CBLL1: variants seen among roughly 807,000 people sequenced by gnomAD.
The protein encoded by CBLL1 is Cbl proto-oncogene like 1, also known as E3 ubiquitin-protein ligase Hakai.
In CBLL1, 4 loss-of-function variants were observed where a neutral mutation model predicts 44.9. That is an observed-to-expected ratio of 0.09 (90% CI 0.04 to 0.20). The LOEUF is 0.20. Ranked by LOEUF, CBLL1 falls within the 10% of genes least tolerant of loss-of-function variation. The pLI, the probability that CBLL1 is intolerant of heterozygous loss-of-function variation, is 1.00. For missense variants in CBLL1, 569 were observed against 636.7 expected (o/e 0.89, Z 1.14); for synonymous variants, 235 against 202.2 (o/e 1.16, Z -1.38).
intron 1 of CBLL1, among the ~76,000 whole-genome samples, chr7:107,745,170 A>G (rs1245155784): frequency 6.6e-6 from 1 of 152,174 alleles, no homozygotes; most frequent in African/African-American, 2.4e-5. Flanking sequence ...TTTATGGAGG[A>G]ACACAGACAA....
chr7:107,755,340 T>G, intron 4 of CBLL1, 78 bp from the exon 5 acceptor site: 1 of 593,524 alleles, frequency 1.7e-6, no homozygotes, highest in Non-Finnish European at 2.5e-6. Flanking sequence ...AAGCCTTATG[T>G]ATAGGTTACT....
At chr7:107,745,783 A>G (rs1308533616) in intron 1 of CBLL1, among the ~76,000 whole-genome samples, 1 of 152,162 alleles carries the variant, frequency 6.6e-6, no homozygotes, top group Non-Finnish European at 1.5e-5. Flanking sequence ...GGTTTGAGCA[A>G]CTAGGTAGGG....
intron 2 of CBLL1, among the ~76,000 whole-genome samples, chr7:107,750,694 A>G (rs1162996656): frequency 6.6e-6 from 1 of 152,130 alleles, no homozygotes; most frequent in African/African-American, 2.4e-5. Flanking sequence ...CACCAGTATA[A>G]AAGAGTTTTT....
chr7:107,760,213 T>C lies in CBLL1; in HGVS notation c.*1035T>C, dbSNP rs1793713182. 1 of 152,260 alleles carries C rather than the reference T, an allele frequency of 6.6e-6. No individual in the cohort carries two copies. The highest frequency in any genetic ancestry group is 6.5e-5 in the Admixed American group (1 of 15,270). The allele number at this position is 152,260 out of a possible 1,614,324, so 9.4% of individuals were successfully genotyped here. ...TGTTTATAGGATTTTCAACTACAGTTTGAATGCCATGGAGGAATTTGAATA... is the reference window on the plus strand; with the variant it reads ...TGTTTATAGGATTTTCAACTACAGTCTGAATGCCATGGAGGAATTTGAATA... On this transcript the variant is annotated 3_prime_UTR_variant, in exon 6 of 6. Coordinates refer to ENST00000440859, the MANE Select transcript of CBLL1 (RefSeq NM_024814.4).
intron 2 of CBLL1, among the ~76,000 whole-genome samples, chr7:107,750,045 A>G (rs1360616691): frequency 6.6e-6 from 1 of 151,846 alleles, no homozygotes; most frequent in Non-Finnish European, 1.5e-5. Context: ...TCCAGGCTCA[A>G]GTGATCTTTC....
At position 107,761,656 on chromosome 7, in the gene CBLL1, G is replaced by C. The variant is rs1351143736; in HGVS notation, c.*2478G>C. ...AATTCTTAAAAACAATAAAATGGAA[G>C]CATAAATACTATTTTGCCTAGATGA... On this transcript the variant is annotated 3_prime_UTR_variant, in exon 6 of 6. Transcript: ENST00000440859. 1.3e-5 allele frequency: 2 copies of C among 152,106 alleles called. No homozygotes were observed. The highest frequency in any genetic ancestry group is 3.7e-4 in the East Asian group (2 of 5,338). The allele number at this position is 152,106 out of a possible 1,614,324, so 9.4% of individuals were successfully genotyped here.
In CBLL1 at chr7:107,758,649, C is replaced by T. The variant is rs1420471637; in HGVS notation, c.947C>T (p.Ala316Val). 2.7e-5 allele frequency: 44 copies of T among 1,613,946 alleles called. No homozygotes were observed. Among genetic ancestry groups the T allele is most frequent in the Non-Finnish European group, 3.7e-5 (44 of 1,180,004 alleles). Residue 316 changes from alanine to valine, a missense_variant, in exon 6 of 6, where the codon GCT becomes GTT. Physicochemically the swap from Ala to Val is moderately conservative, Grantham distance 64. Around this residue, in one of 5 missense-constraint regions of CBLL1, gnomAD observed 228 missense variants for 253.2 expected, o/e 0.90. Transcript: ENST00000440859. The surrounding 1 kb of genome is among the most constrained non-coding windows in gnomAD (Gnocchi z 4.2). ...CCACCACCTCCTGCCCCAGCACCTG[C>T]TCACCATCATCCTGAATATCAGGGT... ...REPPPPAPAP[A>V]HHHPEYQGQP...
At chr7:107,754,676 A>G (rs980833504) in intron 4 of CBLL1, among the ~76,000 whole-genome samples, 5 of 152,264 alleles carry the variant, frequency 3.3e-5, no homozygotes, top group Middle Eastern at 3.4e-3. Context: ...TGATTTTTAG[A>G]TTTTTATTAG....
intron 5 of CBLL1, among the ~76,000 whole-genome samples, chr7:107,757,104 T>C (rs531004846): frequency 3.9e-5 from 6 of 152,140 alleles, no homozygotes; most frequent in Admixed American, 1.3e-4. Context: ...CAACTCAAAA[T>C]CAAGAGTATA....
At chr7:107,756,645 A>G (rs1793541890) in intron 5 of CBLL1, among the ~76,000 whole-genome samples, 1 of 152,166 alleles carries the variant, frequency 6.6e-6, no homozygotes, top group Non-Finnish European at 1.5e-5. Context: ...CATTATTTAG[A>G]GGACTTTTAA....
chr7:107,750,432 A>G (rs1793234219), intron 2 of CBLL1, among the ~76,000 whole-genome samples: 1 of 151,554 alleles, frequency 6.6e-6, no homozygotes, highest in African/African-American at 2.4e-5. Context: ...CAGCCTCCCG[A>G]GTAGCTGGGA....
rs985123721 is a variant in CBLL1 at position 107,759,837 on chromosome 7, A to T, written c.*659A>T. ...ATTTTTAGGCAGCCTCAGGAGCACC[A>T]AAATACATTGGAATTCTAGTACTAA... On this transcript the variant is annotated 3_prime_UTR_variant, in exon 6 of 6. Transcript: ENST00000440859. 15 of 152,332 alleles carry T rather than the reference A, an allele frequency of 9.8e-5. No homozygotes were observed. Among genetic ancestry groups the T allele is most frequent in the African/African-American group, 3.6e-4 (15 of 41,454 alleles). The allele number at this position is 152,332 out of a possible 1,614,324, so 9.4% of individuals were successfully genotyped here.
At chr7:107,745,958 A>G (rs1792995432) in intron 1 of CBLL1, among the ~76,000 whole-genome samples, 1 of 152,202 alleles carries the variant, frequency 6.6e-6, no homozygotes, top group Non-Finnish European at 1.5e-5. Context: ...TCTGCACTGA[A>G]AATACGTATT....
At chr7:107,749,639 C>G (rs1354685538) in intron 2 of CBLL1, among the ~76,000 whole-genome samples, 1 of 144,980 alleles carries the variant, frequency 6.9e-6, no homozygotes, top group Non-Finnish European at 1.5e-5. Flanking sequence ...CAGTACTTGT[C>G]AAACTCTAAA....
chr7:107,755,449 G>T lies in CBLL1; in HGVS notation c.398G>T (p.Cys133Phe). The T allele has an allele frequency of 6.3e-7, 1 of 1,588,566 alleles. No individual in the cohort carries two copies. Among genetic ancestry groups the T allele is most frequent in the African/African-American group, 1.4e-5 (1 of 73,556 alleles). ...TGCAAGCATGTTTTTTGCTATGACT[G>T]TGCTATTTTACATGAAAAAAAGGGA... ...IPCKHVFCYDCAILHEKKGDK... is the reference protein window; with the variant it reads ...IPCKHVFCYDFAILHEKKGDK... The change falls in exon 5 of 6, where the codon TGT (cysteine) becomes TTT (phenylalanine). Residue 133 changes from cysteine (C) to phenylalanine (F), a missense_variant. By Grantham distance (205) the Cys-to-Phe change is radical. Coordinates refer to ENST00000440859, the MANE Select transcript of CBLL1 (RefSeq NM_024814.4).
chr7:107,746,572 G>C (rs1793029865), intron 1 of CBLL1, among the ~76,000 whole-genome samples: 1 of 152,140 alleles, frequency 6.6e-6, no homozygotes, highest in South Asian at 2.1e-4. Context: ...CAAAGGCTTT[G>C]ACAAATGAGG....
chr7:107,744,331 G>A (rs568945455), intron 1 of CBLL1, 155 bp downstream of exon 1: 1 of 973,258 alleles, frequency 1.0e-6, no homozygotes, highest in East Asian at 3.2e-5. Context: ...TGCCCGGCAG[G>A]GGCCTGCGGT....
chr7:107,748,887 G>A lies in CBLL1; in HGVS notation c.21G>A (p.Glu7=). The change falls in exon 2 of 6, where the codon GAG becomes GAA. Residue 7 remains glutamate (E), a synonymous_variant. Transcript: ENST00000440859. MDHTDN[E]LQGTNSSGSL... ...TTTTTTTTCCTAACACAGACAATGA[G>A]TTACAAGGCACTAATAGTTCTGGAT... 1 of 1,600,894 alleles carries A rather than the reference G, an allele frequency of 6.2e-7. No individual in the cohort carries two copies. Among genetic ancestry groups the A allele is most frequent in the Non-Finnish European group, 8.5e-7 (1 of 1,175,116 alleles).
In CBLL1 at chr7:107,758,163, G is replaced by A. The variant is rs774843877; in HGVS notation, c.461G>A (p.Arg154Gln). 1.2e-6 allele frequency: 2 copies of A among 1,606,664 alleles called. No homozygotes were observed. The highest frequency in any genetic ancestry group is 1.7e-6 in the Non-Finnish European group (2 of 1,174,360). ...MCPGCSDPVQ[R>Q]IEQCTRGSLF... Reference sequence around the variant, plus strand: ...TTTAGCTGTAGTGATCCTGTGCAGCGAATTGAGCAGTGTACACGAGGTTCT... The same window carrying A: ...TTTAGCTGTAGTGATCCTGTGCAGCAAATTGAGCAGTGTACACGAGGTTCT... Residue 154 changes from arginine to glutamine, a missense_variant, in exon 6 of 6, where the codon CGA (arginine) becomes CAA (glutamine). Transcript: ENST00000440859. This position sits in a 1 kb window ranked among gnomAD's most constrained non-coding sequence, Gnocchi z 4.2.
Sources: gnomAD v4.1 joint callset for allele counts (sites outside exome capture counted in the v4.1 genomes callset) on GRCh38, gnomAD v4.1.1 for gene constraint, gnomAD v4.1.1 regional missense constraint, Gnocchi (gnomAD v3.1) non-coding constraint, MANE v1.5 for transcripts, NCBI Gene and HGNC (gene_info 2026-07-23, HGNC 2026-07-21) for gene names.